The following GALK2 variants were observed in gnomAD, a reference collection of about 807,000 sequenced individuals.
GALK2 encodes the protein N-acetylgalactosamine kinase.
In GALK2, 36 loss-of-function variants were observed where a neutral mutation model predicts 52.4. That is an observed-to-expected ratio of 0.69 (90% CI 0.53 to 0.91). GALK2 has a LOEUF of 0.91. Ranked by LOEUF, GALK2 falls within the 40% of genes least tolerant of loss-of-function variation. The probability of loss-of-function intolerance (pLI) is 0.00; values close to 1 mark genes in which losing one functional copy is unlikely to be tolerated. For synonymous variants in GALK2, 176 were observed against 199.1 expected, an observed-to-expected ratio of 0.88 and a Z score of 0.98; for missense variants, 579 against 559.1, an observed-to-expected ratio of 1.04 and a Z score of -0.36.
intron 3 of GALK2, among the ~76,000 whole-genome samples, chr15:49,228,688 T>TATATATTTATTTATTTATTTA: frequency 9.6e-5 from 1 of 10,444 alleles, no homozygotes; most frequent in African/African-American, 3.4e-4. Context: ...TATATATATA[T>TATATATTTATTTATTTATTTA]TTTTTTTTTT....
intron 5 of GALK2, among the ~76,000 whole-genome samples, chr15:49,246,055 A>C (rs2091335060): frequency 6.6e-6 from 1 of 152,166 alleles, no homozygotes; most frequent in Non-Finnish European, 1.5e-5. Flanking sequence ...ACCTTTCAGA[A>C]AGTGTTGTTT....
upstream of GALK2, among the ~76,000 whole-genome samples, chr15:49,167,572 C>T (rs1027838569): frequency 1.5e-4 from 23 of 152,118 alleles, no homozygotes; most frequent in Admixed American, 1.2e-3. Context: ...TTGGCCAGGC[C>T]GTTCTCGAAC....
At chr15:49,217,763 C>T (rs780723334) in intron 3 of GALK2, among the ~76,000 whole-genome samples, 2 of 152,108 alleles carry the variant, frequency 1.3e-5, no homozygotes, top group Non-Finnish European at 2.9e-5. Flanking sequence ...GGCATTGTTG[C>T]CTCTCTTCTT....
At chr15:49,340,122 G>T (rs1267984758) in intron 3 of GALK2, among the ~76,000 whole-genome samples, 1 of 152,136 alleles carries the variant, frequency 6.6e-6, no homozygotes, top group African/African-American at 2.4e-5. Context: ...CCAGGGGAGT[G>T]AACTGTTCTG....
chr15:49,178,826 A>G (rs1231400103), intron 1 of GALK2: 4 of 190,554 alleles, frequency 2.1e-5, no homozygotes, highest in African/African-American at 9.4e-5. Context: ...ATAGAAGGCT[A>G]GAAAATTTTC....
intron 5 of GALK2, among the ~76,000 whole-genome samples, chr15:49,258,336 G>T (rs1044836173): frequency 2.0e-5 from 3 of 151,964 alleles, no homozygotes; most frequent in Non-Finnish European, 4.4e-5. Flanking sequence ...GTGGCAGGGG[G>T]TATTAGTATA....
chr15:49,294,178 AATAAAT>A (rs1389465629), intron 8 of GALK2, among the ~76,000 whole-genome samples: 11 of 151,390 alleles, frequency 7.3e-5, no homozygotes, highest in Admixed American at 4.6e-4. Context: ...TAAATAAATA[AATAAAT>A]AAGCAAGCAA....
intron 1 of GALK2, among the ~76,000 whole-genome samples, chr15:49,196,895 G>T (rs987799335): frequency 1.3e-4 from 20 of 152,292 alleles, no homozygotes; most frequent in Non-Finnish European, 2.9e-4. Flanking sequence ...TTTGAGACCA[G>T]CCTGGGCAAC....
In GALK2 at chr15:49,217,202, A is replaced by C. The variant is rs772351482; in HGVS notation, c.155A>C (p.Asp52Ala). 1.9e-6 allele frequency: 3 copies of C among 1,610,550 alleles called. No homozygotes were observed. The highest frequency in any genetic ancestry group is 2.5e-6 in the Non-Finnish European group (3 of 1,177,000). ...CTCTTTTTTCTAGGAGAGCATATAG[A>C]TTATTGTGGATATTCTGTTCTTCCT... ...GRVNIIGEHIDYCGYSVLPMA... is the reference protein window; with the variant it reads ...GRVNIIGEHIAYCGYSVLPMA... Residue 52 changes from aspartate to alanine, a missense_variant, in exon 3 of 10, where the codon GAT becomes GCT. Coordinates refer to ENST00000560031, the MANE Select transcript of GALK2 (RefSeq NM_002044.4).
chr15:49,332,487 T>G (rs907268096), downstream of GALK2, among the ~76,000 whole-genome samples: 2 of 152,056 alleles, frequency 1.3e-5, no homozygotes, highest in African/African-American at 4.8e-5. Context: ...TATGAAGGAC[T>G]TGAATGGTTG....
At chr15:49,252,717 G>A (rs1341301627) in intron 5 of GALK2, among the ~76,000 whole-genome samples, 1 of 146,934 alleles carries the variant, frequency 6.8e-6, no homozygotes, top group African/African-American at 2.5e-5. Flanking sequence ...AAGTTACTGG[G>A]TTAAAAGATA....
intron 3 of GALK2, among the ~76,000 whole-genome samples, chr15:49,338,594 A>T (rs2040178119): frequency 6.6e-6 from 1 of 152,044 alleles, no homozygotes; most frequent in African/African-American, 2.4e-5. Context: ...GAATCTGACA[A>T]TTATGTGTCT....
chr15:49,169,338 T>C (rs746596414), upstream of GALK2, among the ~76,000 whole-genome samples: 3 of 151,916 alleles, frequency 2.0e-5, no homozygotes, highest in Non-Finnish European at 2.9e-5. Flanking sequence ...ATTTCTGAGG[T>C]GCAAAGTGCA....
intron 5 of GALK2, among the ~76,000 whole-genome samples, chr15:49,280,758 T>C (rs542624496): frequency 6.6e-6 from 1 of 152,304 alleles, no homozygotes; most frequent in Non-Finnish European, 1.5e-5. Flanking sequence ...CTAACTTAAA[T>C]GTTTTAGGAG....
rs1240602061 is a variant in GALK2, at chr15:49,330,556, G to GCC, written c.*2398_*2399insCC. 1 of 152,088 alleles carries GCC rather than the reference G, an allele frequency of 6.6e-6. No individual in the cohort carries two copies. Among genetic ancestry groups the GCC allele is most frequent in the Non-Finnish European group, 1.5e-5 (1 of 68,012 alleles). The allele number at this position is 152,088 out of a possible 1,614,324, so 9.4% of individuals were successfully genotyped here. ...GATAGTAGCTGCCTTGTTAGATGAG[G>GCC]CATGGCTATCCAGTGCGCTACAGTT... On this transcript the variant is annotated 3_prime_UTR_variant, in exon 10 of 10. Transcript: ENST00000560031.
At chr15:49,312,079 C>G (rs2036038054) in intron 8 of GALK2, among the ~76,000 whole-genome samples, 1 of 152,164 alleles carries the variant, frequency 6.6e-6, no homozygotes, top group African/African-American at 2.4e-5. Context: ...TCCCTGCATC[C>G]AAGTCTTTAT....
At chr15:49,362,840 T>C (rs913295012) in intron 3 of GALK2, among the ~76,000 whole-genome samples, 2 of 152,210 alleles carry the variant, frequency 1.3e-5, no homozygotes, top group African/African-American at 2.4e-5. Context: ...ATCTTCTGCA[T>C]ATAGCTAGCC....
chr15:49,212,652 C>CT (rs2089018014), intron 2 of GALK2, among the ~76,000 whole-genome samples: 1 of 152,022 alleles, frequency 6.6e-6, no homozygotes, highest in South Asian at 2.1e-4. Context: ...TTTAAATGTG[C>CT]TTTTTTGTAC....
chr15:49,274,257 C>G (rs1266435216), intron 5 of GALK2, among the ~76,000 whole-genome samples: 2 of 152,128 alleles, frequency 1.3e-5, no homozygotes, highest in African/African-American at 4.8e-5. Flanking sequence ...CACACCTAGT[C>G]TATATGGTAC....
Sources: allele counts gnomAD v4.1 joint callset (sites outside exome capture counted in the v4.1 genomes callset), GRCh38; gene constraint gnomAD v4.1.1; transcripts MANE v1.5; gene names NCBI Gene and HGNC (gene_info 2026-07-23, HGNC 2026-07-21).